The following MAML3 variants were observed in gnomAD, a reference collection of about 807,000 sequenced individuals.
The protein encoded by MAML3 is mastermind-like protein 3.
A neutral mutation model predicts 101.9 loss-of-function variants in MAML3; 27 were observed. The ratio of observed to expected loss-of-function variants is 0.27; its 90% CI spans 0.20 to 0.37. The LOEUF is 0.37. MAML3 is among the 10% of genes least tolerant of loss of function. MAML3 has a pLI of 1.00. For missense variants in MAML3, 1,316 were observed against 1,444.9 expected, an observed-to-expected ratio of 0.91 and a Z score of 1.45; for synonymous variants, 501 against 555.9, an observed-to-expected ratio of 0.90 and a Z score of 1.39.
rs769106656 is a variant in MAML3 at position 139,889,284 on chromosome 4, T to C, written c.2079+73A>G. 1.5e-5 allele frequency: 24 copies of C among 1,612,322 alleles called. No homozygotes were observed. The Middle Eastern group carries it at 4.9e-4, about 33-fold the overall frequency. On this transcript the variant is annotated intron_variant, in intron 2 of 4. Transcript: ENST00000509479. ...TAGACCCCACTACAGTGGAAGCTTG[T>C]AGAACATCACACATCGACAGTCTGA...
intron 2 of MAML3, among the ~76,000 whole-genome samples, chr4:139,764,878 C>A (rs577215624): frequency 6.6e-6 from 1 of 152,210 alleles, no homozygotes; most frequent in Admixed American, 6.5e-5. Context: ...GCCGGCATCG[C>A]GGCCACACTC....
intron 2 of MAML3, among the ~76,000 whole-genome samples, chr4:139,857,250 A>G (rs528772412): frequency 6.6e-6 from 1 of 152,272 alleles, no homozygotes; most frequent in South Asian, 2.1e-4. Context: ...GGCTGTGTGC[A>G]CCCAGCCAAG....
chr4:139,772,021 C>CT (rs1729997192), intron 2 of MAML3, among the ~76,000 whole-genome samples: 1 of 151,084 alleles, frequency 6.6e-6, no homozygotes, highest in Non-Finnish European at 1.5e-5. Context: ...GGGCGGATCA[C>CT]GAGGTCAGCA....
intron 1 of MAML3, among the ~76,000 whole-genome samples, chr4:139,900,618 T>G (rs754802879): frequency 5.3e-5 from 8 of 151,930 alleles, no homozygotes; most frequent in Non-Finnish European, 1.2e-4. Flanking sequence ...TATAAAGTTT[T>G]TCACAAACTC....
At chr4:140,092,334 T>C (rs1047544763) in intron 1 of MAML3, among the ~76,000 whole-genome samples, 1 of 151,760 alleles carries the variant, frequency 6.6e-6, no homozygotes, top group Non-Finnish European at 1.5e-5. Context: ...GTTTCCAAAA[T>C]TCTAATCCAA....
chr4:140,024,809 A>G (rs1354506705), intron 1 of MAML3, among the ~76,000 whole-genome samples: 3 of 152,224 alleles, frequency 2.0e-5, no homozygotes, highest in Admixed American at 1.3e-4. Context: ...CACTGGTTAG[A>G]GACGTGAAAA....
chr4:139,723,210 C>G (rs1728322249), intron 4 of MAML3, among the ~76,000 whole-genome samples: 1 of 152,146 alleles, frequency 6.6e-6, no homozygotes, highest in Non-Finnish European at 1.5e-5. Flanking sequence ...CAGTACAATC[C>G]CAATTTTTGT....
intron 1 of MAML3, among the ~76,000 whole-genome samples, chr4:139,948,825 A>C (rs1446059383): frequency 1.3e-5 from 2 of 152,206 alleles, no homozygotes; most frequent in African/African-American, 4.8e-5. Flanking sequence ...TGTAAGGTAG[A>C]AACTATCATC....
chr4:139,941,332 C>G (rs1733591764), intron 1 of MAML3, among the ~76,000 whole-genome samples: 1 of 152,104 alleles, frequency 6.6e-6, no homozygotes, highest in Non-Finnish European at 1.5e-5. Context: ...CAAAATGATC[C>G]ATGGACTCAT....
At chr4:139,824,169 G>A (rs1391476072) in intron 2 of MAML3, among the ~76,000 whole-genome samples, 1 of 152,172 alleles carries the variant, frequency 6.6e-6, no homozygotes, top group Non-Finnish European at 1.5e-5. Context: ...AAGGAAATAA[G>A]CCAGGGTATG....
chr4:139,866,829 C>T (rs140037172), intron 2 of MAML3, among the ~76,000 whole-genome samples: 2 of 152,230 alleles, frequency 1.3e-5, no homozygotes, highest in African/African-American at 2.4e-5. Flanking sequence ...GTGCGCCCAC[C>T]CACACAAGCA....
chr4:140,091,075 CA>C (rs1484427374), intron 1 of MAML3, among the ~76,000 whole-genome samples: 16 of 2,406 alleles, frequency 6.7e-3, no homozygotes, highest in Admixed American at 0.013. Context: ...ACAACAACAA[CA>C]AACAACAAAA....
In MAML3 at chr4:139,719,227, CAA is replaced by C; in HGVS notation, c.*94_*95del. ...GCAGTTTTGCTCAGTTTACGTGGGT[CAA>C]AAAAACAAAAAACAAGGATGGGTCA... is the stretch of plus-strand genomic sequence containing the variant. On this transcript the variant is annotated 3_prime_UTR_variant, in exon 5 of 5. Transcript: ENST00000509479. 1 of 1,431,426 alleles carries C rather than the reference CAA, an allele frequency of 7.0e-7. No homozygotes were observed. The highest frequency in any genetic ancestry group is 2.4e-5 in the East Asian group (1 of 40,844). 88.7% of individuals were successfully genotyped at this position (1,431,426 alleles called of 1,614,324 possible). A position where few individuals can be genotyped will look rare whatever the true frequency, so the allele number is the denominator to read the frequency against.
chr4:140,138,848 T>C (rs1283855303), intron 1 of MAML3, among the ~76,000 whole-genome samples: 3 of 152,222 alleles, frequency 2.0e-5, no homozygotes, highest in Non-Finnish European at 2.9e-5. Context: ...AGAATTAAAA[T>C]TTCATATCTT....
At chr4:139,759,568 A>G (rs1459451865) in intron 2 of MAML3, among the ~76,000 whole-genome samples, 2 of 152,232 alleles carry the variant, frequency 1.3e-5, no homozygotes, top group East Asian at 3.8e-4. Flanking sequence ...TTTAGCACCT[A>G]GGCAAATTGC....
intron 2 of MAML3, among the ~76,000 whole-genome samples, chr4:139,801,533 A>G (rs563200640): frequency 5.5e-4 from 84 of 152,312 alleles, no homozygotes; most frequent in Middle Eastern, 3.4e-3. Flanking sequence ...TCAAAAGGAA[A>G]GCCATAATGT....
chr4:139,919,606 GAGA>G (rs1475091515), intron 1 of MAML3, among the ~76,000 whole-genome samples: 3 of 152,208 alleles, frequency 2.0e-5, no homozygotes, highest in African/African-American at 4.8e-5. Context: ...TCCTGCCACT[GAGA>G]AGGACTGAGG....
At chr4:140,106,114 A>AG (rs1466300841) in intron 1 of MAML3, among the ~76,000 whole-genome samples, 5 of 128,646 alleles carry the variant, frequency 3.9e-5, no homozygotes, top group Non-Finnish European at 6.6e-5. Flanking sequence ...ACTGACTTCA[A>AG]GAAAAAAAAA....
At chr4:139,967,918 C>T (rs1278306364) in intron 1 of MAML3, among the ~76,000 whole-genome samples, 1 of 147,666 alleles carries the variant, frequency 6.8e-6, no homozygotes, top group African/African-American at 2.5e-5. Context: ...CACGTTAGGG[C>T]ATCTGTCCTT....
Sources: gnomAD v4.1 joint callset for allele counts (sites outside exome capture counted in the v4.1 genomes callset) on GRCh38, gnomAD v4.1.1 for gene constraint, MANE v1.5 for transcripts, NCBI Gene and HGNC (gene_info 2026-07-23, HGNC 2026-07-21) for gene names.